The following HS1BP3 variants were observed in gnomAD, a reference collection of about 807,000 sequenced individuals.
HS1BP3 encodes the protein HCLS1 binding protein 3, also known as HCLS1-binding protein 3.
In HS1BP3, 32 loss-of-function variants were observed where a neutral mutation model predicts 33.5. The ratio of observed to expected loss-of-function variants is 0.95; its 90% CI spans 0.72 to 1.28. HS1BP3 has a LOEUF of 1.28. Among genes scored for constraint, HS1BP3 ranks in the 50% most tolerant of loss-of-function variants. The pLI, the probability that HS1BP3 is intolerant of heterozygous loss-of-function variation, is 0.00. For missense variants in HS1BP3, 486 were observed against 502.3 expected (o/e 0.97, Z 0.31); for synonymous variants, 187 against 209.2 (o/e 0.89, Z 0.92).
intron 4 of HS1BP3, among the ~76,000 whole-genome samples, chr2:20,634,001 G>A (rs576424468): frequency 6.6e-6 from 1 of 152,256 alleles, no homozygotes; most frequent in African/African-American, 2.4e-5. Context: ...CTGCACAGGT[G>A]CAGGGTGAGG....
At chr2:20,598,800 C>T (rs1277874206) in intron 2 of HS1BP3, among the ~76,000 whole-genome samples, 1 of 152,018 alleles carries the variant, frequency 6.6e-6, no homozygotes, top group Non-Finnish European at 1.5e-5. Context: ...CCTCGTGATC[C>T]GCCCGCCTCG....
intron 2 of HS1BP3, among the ~76,000 whole-genome samples, chr2:20,599,877 C>T (rs1009733006): frequency 6.6e-6 from 1 of 152,088 alleles, no homozygotes; most frequent in Non-Finnish European, 1.5e-5. Flanking sequence ...GTTCATTCAG[C>T]CCTGCCATCA....
chr2:20,587,585 G>C (rs548231708), intron 5 of HS1BP3, among the ~76,000 whole-genome samples: 3 of 152,182 alleles, frequency 2.0e-5, no homozygotes, highest in South Asian at 2.1e-4. Flanking sequence ...TGGTAGGTCA[G>C]TGGCCCAGAA....
intron 4 of HS1BP3, among the ~76,000 whole-genome samples, chr2:20,627,752 G>A (rs1051465502): frequency 6.6e-6 from 1 of 152,134 alleles, no homozygotes; most frequent in Non-Finnish European, 1.5e-5. Flanking sequence ...CCCATCTTCA[G>A]GGGAATCAAG....
At chr2:20,623,691 C>T (rs541669846) in intron 6 of HS1BP3, 15 of 474,122 alleles carry the variant, frequency 3.2e-5, no homozygotes, top group African/African-American at 2.6e-4. Context: ...CTGGAACTAG[C>T]TGAGCAGCCC....
At chr2:20,589,500 C>G (rs1251649734), downstream of HS1BP3, among the ~76,000 whole-genome samples, 1 of 152,218 alleles carries the variant, frequency 6.6e-6, no homozygotes, top group East Asian at 1.9e-4. Flanking sequence ...GAGATCAGAC[C>G]TGGCATTGGT....
At chr2:20,599,761 A>G (rs1694030102) in intron 2 of HS1BP3, among the ~76,000 whole-genome samples, 1 of 151,786 alleles carries the variant, frequency 6.6e-6, no homozygotes, top group African/African-American at 2.4e-5. Context: ...GTAGGGAGGG[A>G]CTGCCTGATT....
chr2:20,555,354 G>C, the HS1BP3 span, among the ~76,000 whole-genome samples: 2 of 152,256 alleles, frequency 1.3e-5, no homozygotes, highest in African/African-American at 4.8e-5. Flanking sequence ...CAGGGCAGAA[G>C]GAAACTGTGG....
chr2:20,629,742 C>A (rs1333135775), intron 4 of HS1BP3, among the ~76,000 whole-genome samples: 2 of 152,364 alleles, frequency 1.3e-5, no homozygotes, highest in East Asian at 3.9e-4. Flanking sequence ...CACCCGCTTT[C>A]CTGCTGTGTA....
intron 5 of HS1BP3, chr2:20,586,624 T>C (rs1226693141): frequency 6.6e-6 from 1 of 152,228 alleles, no homozygotes; most frequent in Non-Finnish European, 1.5e-5. Context: ...AGCTAATAGC[T>C]TTGACAATAT....
downstream of HS1BP3, among the ~76,000 whole-genome samples, chr2:20,556,934 C>A (rs1449555531): frequency 6.6e-6 from 1 of 152,178 alleles, no homozygotes; most frequent in African/African-American, 2.4e-5. Context: ...TCCTGTGCAG[C>A]CCGCAGCTGG....
chr2:20,624,148 C>G (rs902693761), intron 5 of HS1BP3, 117 bp from the exon 6 acceptor site: 1 of 1,211,798 alleles, frequency 8.3e-7, no homozygotes, highest in African/African-American at 1.5e-5. Context: ...GAATTGATGC[C>G]TCTGCTCAAC....
chr2:20,580,699 G>C (rs73919915), intron 5 of HS1BP3, among the ~76,000 whole-genome samples: 6,542 of 152,176 alleles, frequency 0.043, 454 homozygotes, highest in African/African-American at 0.15. Flanking sequence ...AAAACAGTGA[G>C]ATTCTCCTTT....
At chr2:20,631,440 G>GGGA (rs1396191632) in intron 4 of HS1BP3, among the ~76,000 whole-genome samples, 1 of 145,094 alleles carries the variant, frequency 6.9e-6, no homozygotes, top group African/African-American at 2.6e-5. Flanking sequence ...AGTTAAGTCT[G>GGGA]GGAGGTTGAA....
At chr2:20,619,653 C>T (rs1246114873) in intron 6 of HS1BP3, among the ~76,000 whole-genome samples, 1 of 152,234 alleles carries the variant, frequency 6.6e-6, no homozygotes, top group African/African-American at 2.4e-5. Flanking sequence ...ATATCTTATC[C>T]TCAAAACGCC....
At chr2:20,554,389 A>G in the HS1BP3 span, among the ~76,000 whole-genome samples, 5 of 152,210 alleles carry the variant, frequency 3.3e-5, no homozygotes, top group African/African-American at 1.2e-4. Context: ...GAGCACAGAC[A>G]TACATGCATC....
At chr2:20,557,611 A>T (rs1692871186), downstream of HS1BP3, among the ~76,000 whole-genome samples, 1 of 152,192 alleles carries the variant, frequency 6.6e-6, no homozygotes, top group Non-Finnish European at 1.5e-5. Context: ...TACTATCAGG[A>T]GTGGAAAGCT....
intron 5 of HS1BP3, among the ~76,000 whole-genome samples, chr2:20,563,475 A>G (rs374140265): frequency 1.7e-4 from 26 of 152,308 alleles, no homozygotes; most frequent in East Asian, 9.7e-4. Context: ...TGGGGCCACT[A>G]CTGGTCCGCA....
intron 2 of HS1BP3, among the ~76,000 whole-genome samples, chr2:20,600,381 G>A (rs150342586): frequency 3.9e-4 from 59 of 152,212 alleles, no homozygotes; most frequent in East Asian, 2.7e-3. Context: ...ACCACAAAGC[G>A]CCATTATTAC....
Sources: gnomAD v4.1 joint callset for allele counts (sites outside exome capture counted in the v4.1 genomes callset) on GRCh38, gnomAD v4.1.1 for gene constraint, MANE v1.5 for transcripts, NCBI Gene and HGNC (gene_info 2026-07-23, HGNC 2026-07-21) for gene names.